The following TFDP2 variants were observed in gnomAD, a reference collection of about 807,000 sequenced individuals.
TFDP2 encodes transcription factor Dp-2 (E2F dimerization partner 2).
TFDP2 carries 17 observed loss-of-function variants against 59.3 expected under a neutral mutation model. The observed-to-expected ratio is 0.29, with a 90% CI of 0.20 to 0.43. The LOEUF is 0.43. Among genes scored for constraint, TFDP2 ranks in the 20% least tolerant of loss-of-function variants. The pLI, the probability that TFDP2 is intolerant of heterozygous loss-of-function variation, is 1.00. For missense variants in TFDP2, 391 were observed against 528.8 expected (o/e 0.74, Z 2.56); for synonymous variants, 180 against 194.7 (o/e 0.92, Z 0.63).
intron 1 of TFDP2, among the ~76,000 whole-genome samples, chr3:142,122,374 A>G (rs370540228): frequency 1.3e-5 from 2 of 152,164 alleles, no homozygotes; most frequent in African/African-American, 4.8e-5. Context: ...CCCTATCTCT[A>G]AAATTTAGAA....
chr3:141,980,441 A>G (rs1402895891), intron 6 of TFDP2, among the ~76,000 whole-genome samples: 1 of 152,130 alleles, frequency 6.6e-6, no homozygotes, highest in Non-Finnish European at 1.5e-5. Context: ...TAAAATATAC[A>G]ATCAATTGTT....
Position 142,074,170 on chromosome 3 carries a change from G to A in TFDP2, c.82+18891C>T, listed in dbSNP as rs539842180. Among the ~76,000 whole-genome samples the A allele has an allele frequency of 4.6e-5, 7 of 152,270 alleles. No individual in the cohort carries two copies. In the East Asian group the frequency reaches 1.2e-3, roughly 25 times the overall value. On this transcript the variant is annotated intron_variant, in intron 3 of 12. Coordinates refer to ENST00000489671, the MANE Select transcript of TFDP2 (RefSeq NM_001178139.2). ...CGCCTGTAATCCCAGCACTTTGGGAGGCCGAGGGCGGGTGGATCACCTGAG... is the reference window on the plus strand; with the variant it reads ...CGCCTGTAATCCCAGCACTTTGGGAAGCCGAGGGCGGGTGGATCACCTGAG...
intron 3 of TFDP2, among the ~76,000 whole-genome samples, chr3:142,047,431 A>G (rs1479666962): frequency 1.3e-5 from 2 of 152,136 alleles, no homozygotes; most frequent in South Asian, 2.1e-4. Flanking sequence ...TCACTAATCA[A>G]TTCTCACTGG....
intron 9 of TFDP2, among the ~76,000 whole-genome samples, chr3:141,966,419 C>T (rs959629086): frequency 6.6e-6 from 1 of 151,834 alleles, no homozygotes; most frequent in Non-Finnish European, 1.5e-5. Flanking sequence ...GATCTGCCCA[C>T]CTCGGCCTCC....
rs141102780 is a variant in TFDP2 at position 142,119,729 on chromosome 3, G to C, written c.-92-17888C>G. ...TGAACAGTCACTGTGCTCCAACCTG[G>C]GCAATATAGCAACACCCTGTCTCTA... is the stretch of plus-strand genomic sequence containing the variant. On this transcript the variant is annotated intron_variant, in intron 1 of 12. Coordinates refer to ENST00000489671, the MANE Select transcript of TFDP2 (RefSeq NM_001178139.2). Among the ~76,000 whole-genome samples, 590 of 152,122 alleles carry C rather than the reference G, an allele frequency of 3.9e-3. 6 individuals carry two copies. Among genetic ancestry groups the C allele is most frequent in the African/African-American group, 0.014 (566 of 41,492 alleles).
intron 1 of TFDP2, among the ~76,000 whole-genome samples, chr3:142,138,623 T>A (rs1221538348): frequency 6.6e-6 from 1 of 152,254 alleles, no homozygotes; most frequent in East Asian, 1.9e-4. Context: ...CATTTCATTA[T>A]GTACCCAGTA....
intron 9 of TFDP2, among the ~76,000 whole-genome samples, chr3:141,965,844 G>A (rs867707026): frequency 1.3e-5 from 2 of 151,832 alleles, no homozygotes; most frequent in South Asian, 2.1e-4. Flanking sequence ...GCTAAAAAAC[G>A]AATTCATTGC....
intron 3 of TFDP2, among the ~76,000 whole-genome samples, chr3:142,082,687 T>C (rs542594637): frequency 6.6e-6 from 1 of 152,230 alleles, no homozygotes; most frequent in African/African-American, 2.4e-5. Flanking sequence ...CCAAGTGGGA[T>C]GTATCCCAGA....
chr3:141,973,223 G>A (rs868600061), intron 8 of TFDP2, among the ~76,000 whole-genome samples: 13 of 150,844 alleles, frequency 8.6e-5, no homozygotes, highest in Non-Finnish European at 1.8e-4. Flanking sequence ...AGGTTCAAGC[G>A]ATTCTCCTGC....
At chr3:142,057,564 G>T (rs1210987170) in intron 3 of TFDP2, among the ~76,000 whole-genome samples, 1 of 152,180 alleles carries the variant, frequency 6.6e-6, no homozygotes, top group African/African-American at 2.4e-5. Flanking sequence ...ATGAACTGTG[G>T]TTAATCAACT....
intron 1 of TFDP2, among the ~76,000 whole-genome samples, chr3:142,107,856 A>T (rs577350430): frequency 3.7e-4 from 56 of 152,290 alleles, no homozygotes; most frequent in African/African-American, 1.3e-3. Flanking sequence ...AGATATTATA[A>T]CAAAATGATA....
intron 1 of TFDP2, among the ~76,000 whole-genome samples, chr3:142,133,776 G>A (rs547689203): frequency 3.3e-5 from 5 of 152,190 alleles, no homozygotes; most frequent in African/African-American, 1.2e-4. Flanking sequence ...GGGATTACAG[G>A]TGTGAGTCAC....
intron 3 of TFDP2, among the ~76,000 whole-genome samples, chr3:142,040,553 G>A (rs1026037060): frequency 2.0e-5 from 3 of 151,938 alleles, no homozygotes; most frequent in African/African-American, 7.3e-5. Context: ...TCAGCTTCCC[G>A]AGTAGCTGGG....
chr3:142,130,946 G>A (rs560682327), intron 1 of TFDP2, among the ~76,000 whole-genome samples: 1 of 149,828 alleles, frequency 6.7e-6, no homozygotes, highest in South Asian at 2.1e-4. Flanking sequence ...TCAGCTACTC[G>A]GGAGGCTGAG....
At chr3:142,112,698 T>A (rs73233888) in intron 1 of TFDP2, among the ~76,000 whole-genome samples, 13,075 of 152,214 alleles carry the variant, frequency 0.086, 696 homozygotes, top group Middle Eastern at 0.14. Flanking sequence ...GATTTTTTTT[T>A]AAATTGAGAC....
intron 11 of TFDP2, among the ~76,000 whole-genome samples, chr3:141,955,488 GGA>G (rs1936497698): frequency 6.6e-6 from 1 of 151,886 alleles, no homozygotes; most frequent in Admixed American, 6.6e-5. Context: ...TGGAGAGCGT[GGA>G]GAGAGGAAAG....
chr3:142,124,620 A>G (rs2062169800), intron 1 of TFDP2, among the ~76,000 whole-genome samples: 1 of 152,218 alleles, frequency 6.6e-6, no homozygotes, highest in Non-Finnish European at 1.5e-5. Flanking sequence ...AAAACACGGA[A>G]GTTAAATTTT....
intron 1 of TFDP2, among the ~76,000 whole-genome samples, chr3:142,111,358 G>T (rs1560155409): frequency 6.6e-6 from 1 of 151,356 alleles, no homozygotes; most frequent in Admixed American, 6.6e-5. Flanking sequence ...AGCCCAGCAG[G>T]CGGAGGTTGC....
chr3:142,019,681 C>A (rs1013919248), intron 3 of TFDP2, among the ~76,000 whole-genome samples: 18 of 148,414 alleles, frequency 1.2e-4, no homozygotes, highest in Admixed American at 7.5e-4. Context: ...AATTTTAAAG[C>A]CTTCATTTTA....
Sources: gnomAD v4.1 joint callset for allele counts (sites outside exome capture counted in the v4.1 genomes callset) on GRCh38, gnomAD v4.1.1 for gene constraint, MANE v1.5 for transcripts, NCBI Gene and HGNC (gene_info 2026-07-23, HGNC 2026-07-21) for gene names.